The following GPC6 variants were observed in gnomAD, a reference collection of about 807,000 sequenced individuals.
GPC6 encodes glypican 6.
A neutral mutation model predicts 55.2 loss-of-function variants in GPC6; 14 were observed. The ratio of observed to expected loss-of-function variants is 0.25; its 90% CI spans 0.17 to 0.40. GPC6 has a LOEUF of 0.40. Among genes scored for constraint, GPC6 ranks in the 10% least tolerant of loss-of-function variants. The pLI, the probability that GPC6 is intolerant of heterozygous loss-of-function variation, is 1.00. For synonymous variants in GPC6, 278 were observed against 259.6 expected (o/e 1.07, Z -0.68); for missense variants, 641 against 708.5 (o/e 0.90, Z 1.08).
chr13:93,546,529 G>C (rs1874796924), intron 2 of GPC6, among the ~76,000 whole-genome samples: 1 of 152,204 alleles, frequency 6.6e-6, no homozygotes, highest in South Asian at 2.1e-4. Flanking sequence ...CTTTCTGCAA[G>C]TGTGTTTCAA....
chr13:94,305,178 G>T (rs1875876685), intron 5 of GPC6, among the ~76,000 whole-genome samples: 1 of 152,120 alleles, frequency 6.6e-6, no homozygotes, highest in Non-Finnish European at 1.5e-5. Context: ...GTTCTATAAA[G>T]TCACTGCAAA....
At chr13:93,832,122 A>AAAAAATATATATAT (rs1555334870) in intron 3 of GPC6, among the ~76,000 whole-genome samples, 1 of 12,052 alleles carries the variant, frequency 8.3e-5, no homozygotes, top group Non-Finnish European at 1.2e-4. Flanking sequence ...AAAAAAAAAA[A>AAAAAATATATATAT]ATATATATAT....
chr13:93,935,451 G>T (rs1424280129), intron 3 of GPC6, among the ~76,000 whole-genome samples: 3 of 151,912 alleles, frequency 2.0e-5, no homozygotes, highest in Non-Finnish European at 2.9e-5. Flanking sequence ...CTTTTTTATG[G>T]CTGCATGATA....
chr13:93,852,264 C>A (rs1888432546), intron 3 of GPC6, among the ~76,000 whole-genome samples: 1 of 151,654 alleles, frequency 6.6e-6, no homozygotes, highest in South Asian at 2.1e-4. Context: ...CTAAAGTTTA[C>A]AGGTATATGC....
chr13:94,330,142 C>T (rs7331646), intron 6 of GPC6, among the ~76,000 whole-genome samples: 6,387 of 152,288 alleles, frequency 0.042, 208 homozygotes, highest in African/African-American at 0.087. Flanking sequence ...TTTAATCCCA[C>T]CTTTCCTCTT....
chr13:94,165,697 G>A (rs1383454846), intron 4 of GPC6, among the ~76,000 whole-genome samples: 1 of 152,074 alleles, frequency 6.6e-6, no homozygotes, highest in African/African-American at 2.4e-5. Flanking sequence ...TGCTAGGTAT[G>A]CTATAGTGCT....
At chr13:93,433,154 T>C (rs1298680467) in intron 1 of GPC6, among the ~76,000 whole-genome samples, 5 of 152,144 alleles carry the variant, frequency 3.3e-5, no homozygotes, top group African/African-American at 4.8e-5. Context: ...CAGGTAATTT[T>C]TGAGTGGTGA....
chr13:94,165,754 A>C (rs142893767), intron 4 of GPC6, among the ~76,000 whole-genome samples: 1,774 of 152,276 alleles, frequency 0.012, 19 homozygotes, highest in Middle Eastern at 0.041. Flanking sequence ...AACTCCAATT[A>C]TTTGTACTTT....
chr13:93,438,146 T>C (rs1566357066), intron 1 of GPC6, among the ~76,000 whole-genome samples: 1 of 152,168 alleles, frequency 6.6e-6, no homozygotes, highest in African/African-American at 2.4e-5. Flanking sequence ...TTTCAAAGTA[T>C]TACTGCTCAT....
At chr13:93,305,987 G>T (rs897827518) in intron 1 of GPC6, among the ~76,000 whole-genome samples, 1 of 152,182 alleles carries the variant, frequency 6.6e-6, no homozygotes, top group African/African-American at 2.4e-5. Flanking sequence ...GTTTTAAAAT[G>T]TGCTTGTTTC....
intron 1 of GPC6, among the ~76,000 whole-genome samples, chr13:93,522,094 G>A (rs929827811): frequency 2.0e-5 from 3 of 151,902 alleles, no homozygotes; most frequent in Admixed American, 2.0e-4. Context: ...AAGTCAAAAT[G>A]ATTGCTGGGT....
intron 3 of GPC6, among the ~76,000 whole-genome samples, chr13:93,888,840 T>A (rs1269077789): frequency 6.6e-6 from 1 of 151,820 alleles, no homozygotes; most frequent in Non-Finnish European, 1.5e-5. Context: ...CATAGGGAGG[T>A]CTTGACTATT....
chr13:93,555,346 C>T lies in GPC6; in HGVS notation c.319+9925C>T, dbSNP rs1457376822. On this transcript the variant is annotated intron_variant, in intron 2 of 8. Transcript: ENST00000377047. ...AGTTCAGAGATTAGGTCTCCTCTTT[C>T]TATTTTATCTTCCTATACCTGACTT... Among the ~76,000 whole-genome samples the T allele has an allele frequency of 2.0e-5, 3 of 152,164 alleles. No individual in the cohort carries two copies. The East Asian group carries it at 5.8e-4, about 29-fold the overall frequency.
chr13:93,918,027 G>A (rs1484708554), intron 3 of GPC6, among the ~76,000 whole-genome samples: 4 of 151,954 alleles, frequency 2.6e-5, no homozygotes, highest in Non-Finnish European at 5.9e-5. Context: ...AACCCGGGAG[G>A]CAGAGGTTGC....
At chr13:93,319,059 C>T (rs865885152) in intron 1 of GPC6, among the ~76,000 whole-genome samples, 2 of 152,016 alleles carry the variant, frequency 1.3e-5, no homozygotes, top group African/African-American at 2.4e-5. Flanking sequence ...CAATTACTTC[C>T]GATAGCACTG....
chr13:93,764,583 A>AAC (rs10595180), intron 2 of GPC6, among the ~76,000 whole-genome samples: 40,726 of 148,262 alleles, frequency 0.27, 6,111 homozygotes, highest in Middle Eastern at 0.47. Context: ...TAAAGATGTA[A>AAC]ACACACACAC....
chr13:94,195,724 T>C (rs988738912), intron 4 of GPC6, among the ~76,000 whole-genome samples: 1 of 152,226 alleles, frequency 6.6e-6, no homozygotes, highest in Admixed American at 6.5e-5. Context: ...ATGTGGCTCC[T>C]GCCACACAGC....
chr13:94,118,139 A>C (rs1436355246), intron 4 of GPC6, among the ~76,000 whole-genome samples: 1 of 152,050 alleles, frequency 6.6e-6, no homozygotes, highest in Non-Finnish European at 1.5e-5. Flanking sequence ...CCCAAATCTC[A>C]TCTTGAATTG....
chr13:93,531,960 T>C (rs1050796028), intron 1 of GPC6, among the ~76,000 whole-genome samples: 3 of 152,184 alleles, frequency 2.0e-5, no homozygotes, highest in African/African-American at 7.2e-5. Flanking sequence ...GATATGATGC[T>C]ATTAAAAGGA....
Sources: allele counts gnomAD v4.1 joint callset (sites outside exome capture counted in the v4.1 genomes callset), GRCh38; gene constraint gnomAD v4.1.1; transcripts MANE v1.5; gene names NCBI Gene and HGNC (gene_info 2026-07-23, HGNC 2026-07-21).